EPHB1: variants seen among roughly 807,000 people sequenced by gnomAD.
EPHB1 encodes the protein ephrin type-B receptor 1.
EPHB1 carries 30 observed loss-of-function variants against 94.4 expected under a neutral mutation model. The observed-to-expected ratio is 0.32, with a 90% CI of 0.24 to 0.43. The LOEUF (loss-of-function observed/expected upper bound fraction) is 0.43. Among genes scored for constraint, EPHB1 ranks in the 20% least tolerant of loss-of-function variants. EPHB1 has a pLI of 1.00. For synonymous variants in EPHB1, 522 were observed against 489.1 expected (o/e 1.07, Z -0.89); for missense variants, 1,055 against 1,308.3 (o/e 0.81, Z 2.99).
At chr3:135,258,948 G>C in intron 15 of EPHB1, 64 bp from the exon 16 acceptor site, 1 of 1,314,826 alleles carries the variant, frequency 7.6e-7, no homozygotes, top group Non-Finnish European at 1.1e-6. Context: ...TTAGTGATGA[G>C]TTTTGATCTG....
intron 1 of EPHB1, among the ~76,000 whole-genome samples, chr3:134,900,866 G>A (rs1312843370): frequency 6.6e-6 from 1 of 152,018 alleles, no homozygotes; most frequent in Non-Finnish European, 1.5e-5. Context: ...ACATTGTGTT[G>A]GAAGGTCTCA....
chr3:134,828,891 A>G (rs2108292706), intron 1 of EPHB1, among the ~76,000 whole-genome samples: 1 of 152,312 alleles, frequency 6.6e-6, no homozygotes, highest in African/African-American at 2.4e-5. Context: ...CTGTATCTGC[A>G]GGGTCCCGTC....
At chr3:135,161,190 C>T (rs187908184) in intron 6 of EPHB1, among the ~76,000 whole-genome samples, 1 of 152,222 alleles carries the variant, frequency 6.6e-6, no homozygotes, top group African/African-American at 2.4e-5. Flanking sequence ...TTCTGGAAAA[C>T]AGAAGCAACT....
Position 135,244,990 on chromosome 3 carries a change from G to T in EPHB1, c.2497-3326G>T, listed in dbSNP as rs369940369. Among the ~76,000 whole-genome samples the T allele has an allele frequency of 5.3e-5, 8 of 152,260 alleles. No individual in the cohort carries two copies. In the East Asian group the frequency reaches 1.5e-3, roughly 29 times the overall value. On this transcript the variant is annotated intron_variant, in intron 13 of 15. Transcript: ENST00000398015. ...TACAAGAAGTAACAAATGGAGTAAA[G>T]TCCCATTTTCTAAACACAAACATGG...
intron 10 of EPHB1, among the ~76,000 whole-genome samples, chr3:135,192,344 C>CACTTAA (rs1553746569): frequency 2.0e-5 from 3 of 152,094 alleles, no homozygotes; most frequent in South Asian, 2.1e-4. Context: ...TTTAGTTACC[C>CACTTAA]AAACTATTTC....
intron 2 of EPHB1, among the ~76,000 whole-genome samples, chr3:134,928,437 C>T (rs1023424112): frequency 2.0e-5 from 3 of 152,196 alleles, no homozygotes; most frequent in Admixed American, 1.3e-4. Context: ...GTGGCCAGGA[C>T]TCTATGCATT....
chr3:135,055,826 A>G (rs774706295), intron 3 of EPHB1, among the ~76,000 whole-genome samples: 7 of 152,182 alleles, frequency 4.6e-5, no homozygotes, highest in Non-Finnish European at 7.4e-5. Flanking sequence ...CTGTCACCAC[A>G]CAGGTCTGAG....
At chr3:135,042,921 AACCTCC>A (rs1559807000) in intron 3 of EPHB1, among the ~76,000 whole-genome samples, 1 of 152,066 alleles carries the variant, frequency 6.6e-6, no homozygotes, top group Non-Finnish European at 1.5e-5. Flanking sequence ...GGCTCACTGC[AACCTCC>A]ACCTCCCAGG....
At chr3:135,192,920 G>A (rs547145772) in intron 11 of EPHB1, 97 bp downstream of exon 11, 200 of 1,465,594 alleles carry the variant, frequency 1.4e-4, no homozygotes, top group Middle Eastern at 5.7e-4. Context: ...ATCAGGAATC[G>A]CCTGATCCAG....
intron 13 of EPHB1, among the ~76,000 whole-genome samples, chr3:135,242,418 CCTT>C: frequency 6.6e-6 from 1 of 152,240 alleles, no homozygotes; most frequent in South Asian, 2.1e-4. Context: ...AGTCAGCAAG[CCTT>C]CTATCCTGTG....
chr3:134,901,286 CA>C (rs1382580834), intron 1 of EPHB1, among the ~76,000 whole-genome samples: 1 of 152,216 alleles, frequency 6.6e-6, no homozygotes, highest in African/African-American at 2.4e-5. Context: ...AGGATCTAAA[CA>C]AAATCTACAC....
intron 1 of EPHB1, among the ~76,000 whole-genome samples, chr3:134,797,178 C>G (rs773055454): frequency 2.6e-5 from 4 of 152,148 alleles, no homozygotes; most frequent in Non-Finnish European, 4.4e-5. Context: ...CTGCTTCCCT[C>G]AGGGACTGCT....
Position 134,885,809 on chromosome 3 carries a change from G to A in EPHB1, c.59-40007G>A, listed in dbSNP as rs1289842411. ...TCTTTGACCAAGGAACCCCTTCAAG[G>A]AAGGCTATGCCCTCTCATGACAGAC... On this transcript the variant is annotated intron_variant, in intron 1 of 15. Coordinates refer to ENST00000398015, the MANE Select transcript of EPHB1 (RefSeq NM_004441.5). Among the ~76,000 whole-genome samples the A allele has an allele frequency of 2.6e-5, 4 of 152,178 alleles. No homozygotes were observed. The South Asian group carries it at 8.3e-4, about 32-fold the overall frequency.
At position 134,898,668 on chromosome 3, in the gene EPHB1, T is replaced by C. The variant is rs547883055; in HGVS notation, c.59-27148T>C. Among the ~76,000 whole-genome samples the C allele has an allele frequency of 4.4e-4, 67 of 152,270 alleles. 2 individuals carry two copies. Among genetic ancestry groups the C allele is most frequent in the Admixed American group, 4.2e-3 (64 of 15,294 alleles). On this transcript the variant is annotated intron_variant, in intron 1 of 15. Coordinates refer to ENST00000398015, the MANE Select transcript of EPHB1 (RefSeq NM_004441.5). Reference sequence around the variant, plus strand: ...AGAGGAGAGCAATGTCTGTACAGGGTCTGTTTGCTTATGGAGGAAACAACT... The same window carrying C: ...AGAGGAGAGCAATGTCTGTACAGGGCCTGTTTGCTTATGGAGGAAACAACT...
intron 1 of EPHB1, among the ~76,000 whole-genome samples, chr3:134,889,265 A>G (rs2037919118): frequency 6.6e-6 from 1 of 152,176 alleles, no homozygotes. Flanking sequence ...TAGGGTGATT[A>G]CAAACCAAGA....
chr3:134,953,907 T>G (rs1380160530), intron 3 of EPHB1, among the ~76,000 whole-genome samples: 1 of 152,226 alleles, frequency 6.6e-6, no homozygotes, highest in African/African-American at 2.4e-5. Flanking sequence ...ATTGTTTCTT[T>G]CCATTTCTCC....
intron 3 of EPHB1, among the ~76,000 whole-genome samples, chr3:134,997,368 T>A (rs187385340): frequency 6.6e-6 from 1 of 152,336 alleles, no homozygotes; most frequent in Admixed American, 6.5e-5. Flanking sequence ...CCTGGTGAGC[T>A]CATCTGTCTG....
intron 3 of EPHB1, among the ~76,000 whole-genome samples, chr3:135,044,064 G>A (rs377547818): frequency 6.6e-6 from 1 of 152,186 alleles, no homozygotes; most frequent in African/African-American, 2.4e-5. Context: ...ATCAGAAAAT[G>A]GATTCTAATT....
intron 1 of EPHB1, among the ~76,000 whole-genome samples, chr3:134,922,766 C>T (rs1388998173): frequency 6.6e-6 from 1 of 152,162 alleles, no homozygotes; most frequent in East Asian, 1.9e-4. Context: ...CCCAGAGCTT[C>T]AGCAGAGCCC....
Sources: gnomAD v4.1 joint callset for allele counts (sites outside exome capture counted in the v4.1 genomes callset) on GRCh38, gnomAD v4.1.1 for gene constraint, MANE v1.5 for transcripts, NCBI Gene and HGNC (gene_info 2026-07-23, HGNC 2026-07-21) for gene names.